Variants in SH3RF3 observed in about 807,000 individuals in gnomAD.
SH3RF3 encodes the protein SH3 domain containing ring finger 3.
A neutral mutation model predicts 66.3 loss-of-function variants in SH3RF3; 29 were observed. The observed-to-expected ratio is 0.44, with a 90% confidence interval of 0.33 to 0.60. The LOEUF (loss-of-function observed/expected upper bound fraction) is 0.60, where lower values mean the gene tolerates loss of function less well. Among genes scored for constraint, SH3RF3 ranks in the 20% least tolerant of loss-of-function variants. The probability of loss-of-function intolerance (pLI) is 0.04; values close to 1 mark genes in which losing one functional copy is unlikely to be tolerated. For missense variants in SH3RF3, 1,194 were observed against 1,190.9 expected (o/e 1.00, Z -0.04); for synonymous variants, 583 against 532.0 (o/e 1.10, Z -1.32).
chr2:109,207,723 A>C (rs887934681), intron 1 of SH3RF3, among the ~76,000 whole-genome samples: 1 of 152,200 alleles, frequency 6.6e-6, no homozygotes, highest in Admixed American at 6.5e-5. Flanking sequence ...AGGAAGACTT[A>C]CCTGAGACTG....
chr2:109,322,172 C>A (rs1265671809), intron 1 of SH3RF3, among the ~76,000 whole-genome samples: 1 of 152,124 alleles, frequency 6.6e-6, no homozygotes, highest in Non-Finnish European at 1.5e-5. Context: ...CACGGATACA[C>A]AGGAGACTCA....
At chr2:109,315,898 C>T (rs1025380) in intron 1 of SH3RF3, among the ~76,000 whole-genome samples, 89,557 of 151,732 alleles carry the variant, frequency 0.59, 27,781 homozygotes, top group East Asian at 0.91. Flanking sequence ...ACGTCACCTG[C>T]GACCAGCATA....
intron 1 of SH3RF3, among the ~76,000 whole-genome samples, chr2:109,161,139 T>A (rs1677477922): frequency 6.6e-6 from 1 of 152,186 alleles, no homozygotes; most frequent in African/African-American, 2.4e-5. Context: ...TCCTTGTTAC[T>A]AGGCATAAAG....
intron 5 of SH3RF3, among the ~76,000 whole-genome samples, chr2:109,428,227 A>T (rs1257624251): frequency 6.6e-6 from 1 of 152,250 alleles, no homozygotes; most frequent in Non-Finnish European, 1.5e-5. Context: ...ATTTTAGAAG[A>T]CGTATGAGCA....
rs1412321459 is a variant in SH3RF3 at position 109,490,913 on chromosome 2, G to C, written c.2457G>C (p.Glu819Asp). 6.6e-7 allele frequency: 1 copy of C among 1,509,968 alleles called. No individual in the cohort carries two copies. Among genetic ancestry groups the C allele is most frequent in the South Asian group, 1.2e-5 (1 of 80,408 alleles). 93.5% of individuals were successfully genotyped at this position (1,509,968 alleles called of 1,614,324 possible). ...APLSMAAIRPEPKLLPRERYR... is the reference protein window; with the variant it reads ...APLSMAAIRPDPKLLPRERYR... ...TGTCCATGGCTGCCATCCGCCCCGA[G>C]CCCAAGCTGTTGCCCAGAGAGAGGT... Residue 819 changes from glutamate to aspartate, a missense_variant, in exon 9 of 10, where the codon GAG (glutamate) becomes GAC (aspartate). Glu to Asp is a conservative substitution (Grantham distance 45). Transcript: ENST00000309415.
rs1278256410 is a variant in SH3RF3 at position 109,504,366 on chromosome 2, C to T, written c.*2695C>T. ...CAGGACTGCAGGCCACCAGGGGCCTCTGCCCAGAGGGAGGCAGAGAGGATG... is the reference window on the plus strand; with the variant it reads ...CAGGACTGCAGGCCACCAGGGGCCTTTGCCCAGAGGGAGGCAGAGAGGATG... On this transcript the variant is annotated 3_prime_UTR_variant, in exon 10 of 10. Coordinates refer to ENST00000309415, the MANE Select transcript of SH3RF3 (RefSeq NM_001099289.3). 1 of 152,246 alleles carries T rather than the reference C, an allele frequency of 6.6e-6. No individual in the cohort carries two copies. The highest frequency in any genetic ancestry group is 2.4e-5 in the African/African-American group (1 of 41,444). The allele number at this position is 152,246 out of a possible 1,614,324, so 9.4% of individuals were successfully genotyped here. A position where few individuals can be genotyped will look rare whatever the true frequency, so the allele number is the denominator to read the frequency against.
intron 7 of SH3RF3, 104 bp downstream of exon 7, chr2:109,437,250 GCTGGTGGC>G: frequency 7.0e-7 from 1 of 1,437,780 alleles, no homozygotes; most frequent in Admixed American, 2.8e-5. Flanking sequence ...TGCATGTGTG[GCTGGTGGC>G]AGCTTCATGG....
chr2:109,430,510 C>T (rs917411863), intron 5 of SH3RF3, among the ~76,000 whole-genome samples: 1 of 151,952 alleles, frequency 6.6e-6, no homozygotes, highest in Admixed American at 6.6e-5. Context: ...ATCCTCTCCC[C>T]ATCTCCTCCT....
chr2:109,294,043 C>T (rs577795940), intron 1 of SH3RF3, among the ~76,000 whole-genome samples: 7 of 152,310 alleles, frequency 4.6e-5, no homozygotes, highest in Non-Finnish European at 8.8e-5. Flanking sequence ...ATGGTCTTTT[C>T]TCTGCCTGGA....
At chr2:109,408,160 A>T (rs1000449286) in intron 4 of SH3RF3, among the ~76,000 whole-genome samples, 7 of 152,054 alleles carry the variant, frequency 4.6e-5, no homozygotes, top group Admixed American at 3.9e-4. Flanking sequence ...GGATCCACAG[A>T]GGGTTGTTCA....
chr2:109,320,734 A>G (rs1682006199), intron 1 of SH3RF3, among the ~76,000 whole-genome samples: 1 of 152,222 alleles, frequency 6.6e-6, no homozygotes, highest in Non-Finnish European at 1.5e-5. Flanking sequence ...CAGACAAGTA[A>G]ACAACGTCAG....
At chr2:109,407,572 T>TA (rs1218353909) in intron 4 of SH3RF3, among the ~76,000 whole-genome samples, 1 of 152,220 alleles carries the variant, frequency 6.6e-6, no homozygotes, top group Non-Finnish European at 1.5e-5. Flanking sequence ...CCCCCAGACT[T>TA]ACTGCTTATA....
chr2:109,335,475 G>C (rs720978), intron 1 of SH3RF3, among the ~76,000 whole-genome samples: 99,919 of 152,040 alleles, frequency 0.66, 35,249 homozygotes, highest in East Asian at 0.91. Flanking sequence ...CATGCTCGTC[G>C]ACTAGCCCTC....
chr2:109,495,389 TGGCAGTATCAAGTATCGTA>T (rs1679230660), intron 9 of SH3RF3, among the ~76,000 whole-genome samples: 1 of 151,728 alleles, frequency 6.6e-6, no homozygotes, highest in South Asian at 2.1e-4. Flanking sequence ...TTCTGCACCT[TGGCAGTATCAAGTATCGTA>T]GAGAGGCTTT....
At chr2:109,187,022 C>T (rs55913392) in intron 1 of SH3RF3, among the ~76,000 whole-genome samples, 9,469 of 150,010 alleles carry the variant, frequency 0.063, 497 homozygotes, top group Non-Finnish European at 0.1. Context: ...GGGCCTAGCC[C>T]TGGCACCCCA....
intron 2 of SH3RF3, among the ~76,000 whole-genome samples, chr2:109,371,146 T>C (rs533860431): frequency 2.6e-4 from 39 of 152,328 alleles, no homozygotes; most frequent in African/African-American, 8.4e-4. Flanking sequence ...CCCAGCACTT[T>C]AGGAGGCCAA....
intron 8 of SH3RF3, among the ~76,000 whole-genome samples, chr2:109,489,722 G>A (rs1038790052): frequency 2.3e-5 from 3 of 130,180 alleles, no homozygotes; most frequent in African/African-American, 2.8e-5. Flanking sequence ...AACAAGTGTC[G>A]GACAAGGTTT....
At chr2:109,494,658 C>T (rs1288963905) in intron 9 of SH3RF3, among the ~76,000 whole-genome samples, 1 of 152,174 alleles carries the variant, frequency 6.6e-6, no homozygotes. Flanking sequence ...CCTGGAGGGC[C>T]TCAGGTGTGC....
At chr2:109,354,513 GA>G (rs1290618190) in intron 2 of SH3RF3, among the ~76,000 whole-genome samples, 6 of 152,240 alleles carry the variant, frequency 3.9e-5, no homozygotes, top group Admixed American at 2.6e-4. Context: ...TTAGGAGAGG[GA>G]AATCTTAGGC....
Sources: gnomAD v4.1 joint callset for allele counts (sites outside exome capture counted in the v4.1 genomes callset) on GRCh38, gnomAD v4.1.1 for gene constraint, MANE v1.5 for transcripts, NCBI Gene and HGNC (gene_info 2026-07-23, HGNC 2026-07-21) for gene names.